ADORA2B: variants seen among roughly 807,000 people sequenced by gnomAD.
ADORA2B encodes adenosine receptor A2b.
ADORA2B carries 18 observed loss-of-function variants against 20.8 expected under a neutral mutation model. The observed-to-expected ratio is 0.87, with a 90% CI of 0.60 to 1.29. The LOEUF is 1.29. Among genes scored for constraint, ADORA2B ranks in the 50% most tolerant of loss-of-function variants. ADORA2B has a pLI of 0.00. For synonymous variants in ADORA2B, 179 were observed against 178.3 expected, an observed-to-expected ratio of 1.00 and a Z score of -0.03; for missense variants, 441 against 422.7, an observed-to-expected ratio of 1.04 and a Z score of -0.38.
At chr17:15,914,646 A>G in the ADORA2B span, among the ~76,000 whole-genome samples, 1 of 152,214 alleles carries the variant, frequency 6.6e-6, no homozygotes, top group African/African-American at 2.4e-5. Flanking sequence ...GTCCCATGAC[A>G]TTGAGTGCAG....
chr17:15,866,658 T>C, the ADORA2B span, among the ~76,000 whole-genome samples: 6 of 151,494 alleles, frequency 4.0e-5, no homozygotes, highest in East Asian at 1.2e-3. Context: ...TCTTCCAGTG[T>C]GCCTTAAATT....
chr17:15,945,562 T>C lies in ADORA2B; in HGVS notation c.314T>C (p.Leu105Pro). ...CTGGCCGTGGCAGTCGACAGATACC[T>C]GGCCATCTGTGTCCCGCTCAGGTGA... is the stretch of plus-strand genomic sequence containing the variant. ...SLLAVAVDRY[L>P]AICVPLRYKS... Residue 105 changes from leucine to proline, a missense_variant, in exon 1 of 2, where the codon CTG becomes CCG. Coordinates refer to ENST00000304222, the MANE Select transcript of ADORA2B (RefSeq NM_000676.4). 1 of 1,565,854 alleles carries C rather than the reference T, an allele frequency of 6.4e-7. No homozygotes were observed. The highest frequency in any genetic ancestry group is 1.2e-5 in the South Asian group (1 of 83,912).
the ADORA2B span, among the ~76,000 whole-genome samples, chr17:15,905,701 G>C: frequency 6.7e-6 from 1 of 150,360 alleles, no homozygotes; most frequent in Admixed American, 6.7e-5. Flanking sequence ...TGTTGCCCAG[G>C]TTGGAGTGCA....
chr17:15,855,866 A>G, the ADORA2B span, among the ~76,000 whole-genome samples: 11 of 151,878 alleles, frequency 7.2e-5, no homozygotes, highest in Admixed American at 2.6e-4. Context: ...CCACTCTCCA[A>G]TGTCTATTGT....
chr17:15,878,182 TATAC>T, the ADORA2B span, among the ~76,000 whole-genome samples: 1 of 51,018 alleles, frequency 2.0e-5, no homozygotes, highest in African/African-American at 9.4e-5. Flanking sequence ...TGTGTGTGTG[TATAC>T]ACACACACAC....
At chr17:15,954,864 C>A (rs966733471) in intron 1 of ADORA2B, among the ~76,000 whole-genome samples, 1 of 152,172 alleles carries the variant, frequency 6.6e-6, no homozygotes, top group Non-Finnish European at 1.5e-5. Flanking sequence ...GCTGTAACAC[C>A]CAGTGTTGCT....
chr17:15,880,764 G>A, the ADORA2B span, among the ~76,000 whole-genome samples: 6 of 152,130 alleles, frequency 3.9e-5, no homozygotes, highest in Admixed American at 3.3e-4. Flanking sequence ...GTGAGCTGAC[G>A]CTTCTGCAAC....
chr17:15,866,814 A>C, the ADORA2B span, among the ~76,000 whole-genome samples: 1 of 150,372 alleles, frequency 6.7e-6, no homozygotes, highest in Non-Finnish European at 1.5e-5. Flanking sequence ...CTCTCTTTCC[A>C]CAGTCTCCCT....
At chr17:15,964,928 C>T (rs1567782337) in intron 1 of ADORA2B, among the ~76,000 whole-genome samples, 4 of 151,976 alleles carry the variant, frequency 2.6e-5, no homozygotes, top group South Asian at 2.1e-4. Flanking sequence ...CGTGTGGCAG[C>T]GGGTGCCTGT....
At chr17:15,926,355 G>T in the ADORA2B span, among the ~76,000 whole-genome samples, 1 of 151,942 alleles carries the variant, frequency 6.6e-6, no homozygotes, top group African/African-American at 2.4e-5. Context: ...GACAAGCAGA[G>T]CAAGGCAAGG....
At chr17:15,857,378 C>G in the ADORA2B span, among the ~76,000 whole-genome samples, 1 of 152,346 alleles carries the variant, frequency 6.6e-6, no homozygotes, top group African/African-American at 2.4e-5. Context: ...GGTGCCCCCA[C>G]ACAGAACCCC....
chr17:15,962,807 C>G (rs922640911), intron 1 of ADORA2B, among the ~76,000 whole-genome samples: 2 of 152,196 alleles, frequency 1.3e-5, no homozygotes, highest in South Asian at 4.1e-4. Flanking sequence ...CATGAGCCAC[C>G]GCGCCCGGCC....
the ADORA2B span, among the ~76,000 whole-genome samples, chr17:15,853,121 A>C: frequency 6.6e-6 from 1 of 152,206 alleles, no homozygotes; most frequent in Admixed American, 6.5e-5. Context: ...TCAAAGGGAA[A>C]AAAGAAACCT....
chr17:15,898,134 A>G, the ADORA2B span, among the ~76,000 whole-genome samples: 1 of 152,210 alleles, frequency 6.6e-6, no homozygotes, highest in Non-Finnish European at 1.5e-5. Context: ...ACCAGGGTGG[A>G]GTAGCAGGGA....
the ADORA2B span, among the ~76,000 whole-genome samples, chr17:15,910,994 G>A: frequency 6.6e-6 from 1 of 152,218 alleles, no homozygotes; most frequent in African/African-American, 2.4e-5. Context: ...CAGAATGTCT[G>A]GAATGGGACC....
chr17:15,966,893 C>T (rs1019942909), intron 1 of ADORA2B, among the ~76,000 whole-genome samples: 6 of 152,246 alleles, frequency 3.9e-5, no homozygotes, highest in African/African-American at 1.4e-4. Context: ...TCCCTGGCCT[C>T]ACTGCAGTGC....
the ADORA2B span, among the ~76,000 whole-genome samples, chr17:15,859,600 A>G: frequency 6.6e-6 from 1 of 151,826 alleles, no homozygotes; most frequent in African/African-American, 2.4e-5. Context: ...ATAACTATAA[A>G]CTAGACAATC....
At chr17:15,903,024 ATT>A in the ADORA2B span, among the ~76,000 whole-genome samples, 1 of 152,316 alleles carries the variant, frequency 6.6e-6, no homozygotes, top group South Asian at 2.1e-4. Context: ...ATGAATTTAT[ATT>A]TTATATATTT....
chr17:15,948,395 T>TGGTGGTGGGGGGGGG, intron 1 of ADORA2B, among the ~76,000 whole-genome samples: 1 of 5,796 alleles, frequency 1.7e-4, no homozygotes, highest in African/African-American at 1.9e-4. Context: ...TGTTGGGCCC[T>TGGTGGTGGGGGGGGG]GGCGGCGGGG....
Sources: gnomAD v4.1 joint callset for allele counts (sites outside exome capture counted in the v4.1 genomes callset) on GRCh38, gnomAD v4.1.1 for gene constraint, MANE v1.5 for transcripts, NCBI Gene and HGNC (gene_info 2026-07-23, HGNC 2026-07-21) for gene names.